The following STK31 variants were observed in gnomAD, a reference collection of about 807,000 sequenced individuals.
The protein encoded by STK31 is serine/threonine-protein kinase 31.
Under a neutral mutation model 129.7 loss-of-function variants are expected in STK31, and 89 were observed. The ratio of observed to expected loss-of-function variants is 0.69; its 90% CI spans 0.58 to 0.82. The LOEUF (loss-of-function observed/expected upper bound fraction) is 0.82, where lower values mean the gene tolerates loss of function less well. Ranked by LOEUF, STK31 falls within the 40% of genes least tolerant of loss-of-function variation. The probability of loss-of-function intolerance (pLI) is 0.00; values close to 1 mark genes in which losing one functional copy is unlikely to be tolerated. For missense variants in STK31, 1,187 were observed against 1,176.4 expected (o/e 1.01, Z -0.13); for synonymous variants, 448 against 395.3 (o/e 1.13, Z -1.58).
At chr7:23,806,891 C>T (rs1213400736) in intron 22 of STK31, among the ~76,000 whole-genome samples, 3 of 133,800 alleles carry the variant, frequency 2.2e-5, no homozygotes, top group Non-Finnish European at 4.7e-5. Flanking sequence ...CAGAGCAAGA[C>T]TCCGTCTCAG....
chr7:23,757,636 A>G (rs1031644746), intron 10 of STK31, among the ~76,000 whole-genome samples: 2 of 152,128 alleles, frequency 1.3e-5, no homozygotes, highest in Non-Finnish European at 2.9e-5. Context: ...GATAGAACAT[A>G]CAATCGGGTT....
At chr7:23,746,704 T>A (rs1419070142) in intron 8 of STK31, among the ~76,000 whole-genome samples, 1 of 152,130 alleles carries the variant, frequency 6.6e-6, no homozygotes, top group Admixed American at 6.5e-5. Context: ...TTATTAAGTC[T>A]TAATCCTCAT....
intron 23 of STK31, among the ~76,000 whole-genome samples, chr7:23,828,786 C>G (rs1794352140): frequency 6.6e-6 from 1 of 152,208 alleles, no homozygotes; most frequent in Non-Finnish European, 1.5e-5. Flanking sequence ...TTTTTCTTGC[C>G]TGATTGTTCT....
intron 23 of STK31, among the ~76,000 whole-genome samples, chr7:23,830,830 G>A (rs1019534247): frequency 2.0e-5 from 3 of 152,098 alleles, no homozygotes; most frequent in African/African-American, 7.2e-5. Flanking sequence ...ATGTCAGCCA[G>A]GCTGGTCTCA....
chr7:23,798,227 G>A (rs1344236508), intron 22 of STK31, among the ~76,000 whole-genome samples: 4 of 152,158 alleles, frequency 2.6e-5, no homozygotes, highest in African/African-American at 9.7e-5. Flanking sequence ...AGAAAAAGAG[G>A]GAATCCTCCC....
At chr7:23,798,296 A>G (rs1792128290) in intron 22 of STK31, among the ~76,000 whole-genome samples, 1 of 152,150 alleles carries the variant, frequency 6.6e-6, no homozygotes, top group Admixed American at 6.5e-5. Flanking sequence ...AGACACAACA[A>G]AAAAAGAAAA....
chr7:23,802,689 T>G (rs546566094), intron 22 of STK31, among the ~76,000 whole-genome samples: 24 of 152,278 alleles, frequency 1.6e-4, no homozygotes, highest in African/African-American at 5.8e-4. Flanking sequence ...AATTTTTGTA[T>G]TTTTAGTAGA....
chr7:23,803,894 C>T (rs1388528728), intron 22 of STK31, among the ~76,000 whole-genome samples: 1 of 152,046 alleles, frequency 6.6e-6, no homozygotes, highest in Non-Finnish European at 1.5e-5. Context: ...TATTAAGGTT[C>T]TTCACTATAT....
At chr7:23,810,857 A>C (rs1793081716) in intron 22 of STK31, among the ~76,000 whole-genome samples, 1 of 141,092 alleles carries the variant, frequency 7.1e-6, no homozygotes, top group African/African-American at 2.6e-5. Flanking sequence ...AATATGTATA[A>C]ATATATATTA....
At chr7:23,788,559 G>T (rs1040324651) in intron 21 of STK31, among the ~76,000 whole-genome samples, 1 of 152,036 alleles carries the variant, frequency 6.6e-6, no homozygotes, top group Non-Finnish European at 1.5e-5. Flanking sequence ...GGACTTTTTA[G>T]TTTAAATCCT....
chr7:23,815,706 A>G (rs1352609974), intron 23 of STK31, among the ~76,000 whole-genome samples: 1 of 152,160 alleles, frequency 6.6e-6, no homozygotes, highest in African/African-American at 2.4e-5. Flanking sequence ...ATTAGCAAGT[A>G]CTTTGGGGGT....
intron 22 of STK31, among the ~76,000 whole-genome samples, chr7:23,805,407 A>G (rs114815169): frequency 0.011 from 1,631 of 152,194 alleles, 32 homozygotes; most frequent in African/African-American, 0.038. Context: ...TTTTATTTCT[A>G]TGCGTCAATA....
At chr7:23,762,199 T>A (rs2128099090) in intron 10 of STK31, among the ~76,000 whole-genome samples, 1 of 152,138 alleles carries the variant, frequency 6.6e-6, no homozygotes, top group Admixed American at 6.6e-5. Context: ...ACTCGTCATT[T>A]AGCATTAGGT....
chr7:23,807,724 A>G (rs1792797462), intron 22 of STK31, among the ~76,000 whole-genome samples: 2 of 151,654 alleles, frequency 1.3e-5, no homozygotes, highest in Admixed American at 1.3e-4. Context: ...TCTGTTTATC[A>G]GGGTGTTTTT....
intron 21 of STK31, 28 bp from the exon 22 acceptor site, chr7:23,790,796 T>C: frequency 6.4e-7 from 1 of 1,562,208 alleles, no homozygotes; most frequent in Non-Finnish European, 8.6e-7. Flanking sequence ...GTGTTGTATC[T>C]GAAATATGTA....
intron 23 of STK31, among the ~76,000 whole-genome samples, chr7:23,830,932 T>G (rs1794508225): frequency 3.3e-5 from 5 of 152,134 alleles, no homozygotes; most frequent in South Asian, 2.1e-4. Flanking sequence ...TTTCCATGCG[T>G]TTGTATAGTT....
chr7:23,711,153 T>C (rs1282817148), intron 1 of STK31, among the ~76,000 whole-genome samples: 1 of 152,190 alleles, frequency 6.6e-6, no homozygotes, highest in Non-Finnish European at 1.5e-5. Flanking sequence ...CTTTTAAAGC[T>C]CTTAAAAAAT....
chr7:23,769,131 C>T lies in STK31; in HGVS notation c.1553C>T (p.Ala518Val). The change falls in exon 12 of 24, where the codon GCT (alanine) becomes GTT (valine). Residue 518 changes from alanine (A) to valine (V), a missense_variant. By Grantham distance (64) the Ala-to-Val change is moderately conservative (BLOSUM62 0). Transcript: ENST00000355870. ...EFTSVRSETD[A>V]SLHRLVAWFQ... Reference sequence around the variant, plus strand: ...ACCAGTGTTAGAAGTGAAACAGACGCTTCTCTGCACCGTCTTGTAGCATGG... The same window carrying T: ...ACCAGTGTTAGAAGTGAAACAGACGTTTCTCTGCACCGTCTTGTAGCATGG... 6.2e-7 allele frequency: 1 copy of T among 1,611,378 alleles called. No homozygotes were observed. The highest frequency in any genetic ancestry group is 8.5e-7 in the Non-Finnish European group (1 of 1,178,734).
At position 23,785,111 on chromosome 7, in the gene STK31, G is replaced by A. The variant is rs1301178317; in HGVS notation, c.2149-367G>A. ...TGAGTGGTGTACACTAACCCAATAT[G>A]TAGTCCCTCATTCCTCACCCCCGTC... On this transcript the variant is annotated intron_variant, in intron 17 of 23. Transcript: ENST00000355870. 3.3e-5 allele frequency among the ~76,000 whole-genome samples: 5 copies of A among 152,232 alleles called. No individual in the cohort carries two copies. In the South Asian group the frequency reaches 8.3e-4, roughly 25 times the overall value.
Sources: gnomAD v4.1 joint callset for allele counts (sites outside exome capture counted in the v4.1 genomes callset) on GRCh38, gnomAD v4.1.1 for gene constraint, MANE v1.5 for transcripts, NCBI Gene and HGNC (gene_info 2026-07-23, HGNC 2026-07-21) for gene names.